SNX16: variants seen among roughly 807,000 people sequenced by gnomAD.
SNX16 encodes the protein sorting nexin-16.
A neutral mutation model predicts 36.7 loss-of-function variants in SNX16; 35 were observed. That is an observed-to-expected ratio of 0.95 (90% CI 0.73 to 1.27). The LOEUF is 1.27. Ranked by LOEUF, SNX16 falls within the 50% of genes most tolerant of loss-of-function variation. The pLI is 0.00. For missense variants in SNX16, 367 were observed against 393.6 expected (o/e 0.93, Z 0.57); for synonymous variants, 134 against 132.0 (o/e 1.02, Z -0.10).
intron 5 of SNX16, among the ~76,000 whole-genome samples, chr8:81,813,504 A>G (rs1810353030): frequency 6.7e-6 from 1 of 149,256 alleles, no homozygotes; most frequent in African/African-American, 2.4e-5. Context: ...TATATGAGAA[A>G]ATATTTGTAA....
rs1554546248 is a variant in SNX16 at position 81,822,964 on chromosome 8, A to ACACATATATATATATGTATATG, written c.611+827_611+828insCATATACATATATATATATGTG. ...TACATATACATATATATATATATAT[A>ACACATATATATATATGTATATG]TATATATATATACACATATGTGTGT... On this transcript the variant is annotated intron_variant, in intron 4 of 7. Coordinates refer to ENST00000345957, the MANE Select transcript of SNX16 (RefSeq NM_152836.3). Among the ~76,000 whole-genome samples, 644 of 127,250 alleles carry ACACATATATATATATGTATATG rather than the reference A, an allele frequency of 5.1e-3. 18 individuals carry two copies. The highest frequency in any genetic ancestry group is 0.031 in the East Asian group (155 of 4,922). 83.5% of individuals were successfully genotyped at this position (127,250 alleles called of 152,430 possible). A position where few individuals can be genotyped will look rare whatever the true frequency, so the allele number is the denominator to read the frequency against.
chr8:81,815,893 C>T (rs867936231), intron 4 of SNX16, among the ~76,000 whole-genome samples: 1 of 151,988 alleles, frequency 6.6e-6, no homozygotes, highest in African/African-American at 2.4e-5. Flanking sequence ...CTAGATAGTT[C>T]GAGAGAAAAA....
At chr8:81,828,304 C>T (rs1226420834) in intron 3 of SNX16, among the ~76,000 whole-genome samples, 2 of 152,054 alleles carry the variant, frequency 1.3e-5, no homozygotes, top group Non-Finnish European at 2.9e-5. Context: ...ATACTTCCAA[C>T]GCTGGGTATT....
chr8:81,808,065 A>G, intron 5 of SNX16: 1 of 1,011,786 alleles, frequency 9.9e-7, no homozygotes. Context: ...CTCAAAGACC[A>G]GTTGCCTACT....
At chr8:81,831,375 T>TA (rs984765500) in intron 2 of SNX16, among the ~76,000 whole-genome samples, 5 of 152,264 alleles carry the variant, frequency 3.3e-5, no homozygotes. Flanking sequence ...GGCAAAGGTC[T>TA]AATATCCAGA....
rs759132827 is a variant in SNX16 at position 81,800,564 on chromosome 8, C to A, written c.*933G>T. On this transcript the variant is annotated 3_prime_UTR_variant, in exon 8 of 8. Transcript: ENST00000345957. ...CTAAATATATTAAAAAGAAAATCAG[C>A]CATAATACAGTATAACAACATCTTC... is the stretch of plus-strand genomic sequence containing the variant. The A allele has an allele frequency of 1.3e-5, 2 of 152,170 alleles. No homozygotes were observed. Among genetic ancestry groups the A allele is most frequent in the Non-Finnish European group, 3.0e-5 (2 of 67,712 alleles). 9.4% of individuals were successfully genotyped at this position (152,170 alleles called of 1,614,324 possible).
chr8:81,807,888 C>G (rs1810039631), intron 5 of SNX16: 2 of 766,046 alleles, frequency 2.6e-6, no homozygotes, highest in Admixed American at 1.7e-5. Context: ...AATGGGGAAC[C>G]CTCACGAACT....
chr8:81,822,941 C>T (rs867848810), intron 4 of SNX16, among the ~76,000 whole-genome samples: 25 of 50,490 alleles, frequency 5.0e-4, no homozygotes, highest in South Asian at 9.0e-4. Context: ...TATATATATA[C>T]ATATACATAT....
chr8:81,815,983 C>G (rs1269454953), intron 4 of SNX16, among the ~76,000 whole-genome samples: 1 of 152,028 alleles, frequency 6.6e-6, no homozygotes, highest in African/African-American at 2.4e-5. Flanking sequence ...TTATACTTTG[C>G]TATTATCAGA....
intron 3 of SNX16, 53 bp from the exon 4 acceptor site, chr8:81,823,993 C>G (rs1810895750): frequency 6.8e-7 from 1 of 1,474,300 alleles, no homozygotes; most frequent in South Asian, 1.2e-5. Flanking sequence ...ACTATCAATT[C>G]TACAAAATCT....
chr8:81,812,658 A>G (rs947544903), intron 5 of SNX16, among the ~76,000 whole-genome samples: 9 of 152,084 alleles, frequency 5.9e-5, no homozygotes, highest in Non-Finnish European at 1.3e-4. Flanking sequence ...TATGAGACTG[A>G]AAGGAAGTGA....
chr8:81,838,374 A>T (rs1811587903), intron 2 of SNX16, among the ~76,000 whole-genome samples: 2 of 152,156 alleles, frequency 1.3e-5, no homozygotes, highest in Admixed American at 1.3e-4. Context: ...AAGCTAAAGT[A>T]CATACACTGC....
Position 81,839,701 on chromosome 8 carries a change from G to T in SNX16, c.286C>A (p.Gln96Lys), listed in dbSNP as rs376327128. The change falls in exon 2 of 8, where the codon CAA (glutamine) becomes AAA (lysine). Residue 96 changes from glutamine to lysine, a missense_variant. Physicochemically the swap from Gln to Lys is moderately conservative, Grantham distance 53 (BLOSUM62 1). Transcript: ENST00000345957. ...YSTRPRDTEE[Q>K]NPETVNWEDR... The stretch of plus-strand genomic sequence containing the variant: ...TCCCAATTCACTGTTTCCGGATTTT[G>T]TTCTTCAGTGTCTCTTGGTCTAGTA... 111 of 1,613,740 alleles carry T rather than the reference G, an allele frequency of 6.9e-5. No individual in the cohort carries two copies. Among genetic ancestry groups the T allele is most frequent in the Non-Finnish European group, 8.9e-5 (105 of 1,179,862 alleles).
At chr8:81,824,027 T>C (rs1221053096) in intron 3 of SNX16, 87 bp from the exon 4 acceptor site, 1 of 1,198,794 alleles carries the variant, frequency 8.3e-7, no homozygotes, top group East Asian at 2.6e-5. Context: ...CATGAAATTA[T>C]TCATGAAATA....
intron 2 of SNX16, among the ~76,000 whole-genome samples, chr8:81,832,046 G>A (rs1307360856): frequency 6.6e-6 from 1 of 152,192 alleles, no homozygotes; most frequent in Non-Finnish European, 1.5e-5. Context: ...ATTTGACACA[G>A]CAATCCCATT....
In SNX16 at chr8:81,805,316, AGAAT is replaced by A. The variant is rs887962273; in HGVS notation, c.682-2092_682-2089del. ...ATAGGAACAATATAAAATATGAACG[AGAAT>A]GAAAATATTAAGACTTGTGAGATGC... is the stretch of plus-strand genomic sequence containing the variant. On this transcript the variant is annotated intron_variant, in intron 5 of 7. Coordinates refer to ENST00000345957, the MANE Select transcript of SNX16 (RefSeq NM_152836.3). 7.4e-4 allele frequency among the ~76,000 whole-genome samples: 112 copies of A among 152,330 alleles called. 1 individual carries two copies. The highest frequency in any genetic ancestry group is 2.7e-3 in the African/African-American group (111 of 41,590).
Sources: gnomAD v4.1 joint callset for allele counts (sites outside exome capture counted in the v4.1 genomes callset) on GRCh38, gnomAD v4.1.1 for gene constraint, MANE v1.5 for transcripts, NCBI Gene and HGNC (gene_info 2026-07-23, HGNC 2026-07-21) for gene names.